CSMD2: variants seen among roughly 807,000 people sequenced by gnomAD.
The protein encoded by CSMD2 is CUB and Sushi multiple domains 2, also known as CUB and sushi domain-containing protein 2.
Under a neutral mutation model 398.5 loss-of-function variants are expected in CSMD2, and 130 were observed. That is an observed-to-expected ratio of 0.33 (90% CI 0.28 to 0.38). CSMD2 has a LOEUF of 0.38. Ranked by LOEUF, CSMD2 falls within the 10% of genes least tolerant of loss-of-function variation. The pLI, the probability that CSMD2 is intolerant of heterozygous loss-of-function variation, is 1.00. For missense variants in CSMD2, 3,829 were observed against 4,764.9 expected, an observed-to-expected ratio of 0.80 and a Z score of 5.78; for synonymous variants, 1,828 against 1,908.5, an observed-to-expected ratio of 0.96 and a Z score of 1.10.
chr1:33,605,217 A>T, intron 42 of CSMD2, 65 bp downstream of exon 42: 5 of 1,445,594 alleles, frequency 3.5e-6, no homozygotes, highest in African/African-American at 1.4e-5. Flanking sequence ...GGAACATGGG[A>T]TTGCTCTGGA....
At chr1:33,843,501 G>A (rs2125070260) in intron 6 of CSMD2, among the ~76,000 whole-genome samples, 1 of 152,288 alleles carries the variant, frequency 6.6e-6, no homozygotes, top group Middle Eastern at 3.4e-3. Flanking sequence ...TAAGACTATA[G>A]TGCCACAAAG....
At chr1:33,593,743 T>G (rs774337978) in intron 44 of CSMD2, among the ~76,000 whole-genome samples, 1 of 152,212 alleles carries the variant, frequency 6.6e-6, no homozygotes, top group Non-Finnish European at 1.5e-5. Context: ...CATTTTTCAT[T>G]ACAATTGAAT....
rs146251630 is a variant in CSMD2 at position 33,569,884 on chromosome 1, T to C, written c.7958-337A>G. Among the ~76,000 whole-genome samples the C allele has an allele frequency of 7.9e-3, 1,197 of 152,344 alleles. 7 individuals are homozygous for C. Among genetic ancestry groups the C allele is most frequent in the Non-Finnish European group, 0.014 (926 of 68,036 alleles). On this transcript the variant is annotated intron_variant, in intron 51 of 70. Coordinates refer to ENST00000373381, the MANE Select transcript of CSMD2 (RefSeq NM_001281956.2). ...AGGAAGAGATGGCGATTCTGTGGTA[T>C]GCTCCTGAGTGCCCTGGGCAGACAC...
chr1:33,714,918 A>G, intron 20 of CSMD2, 143 bp from the exon 21 acceptor site: 4 of 748,712 alleles, frequency 5.3e-6, no homozygotes, highest in Middle Eastern at 3.9e-4. Context: ...ACACTGGCCC[A>G]CAAAAGGTGA....
At position 33,810,859 on chromosome 1, in the gene CSMD2, T is replaced by C; in HGVS notation, c.1330A>G (p.Met444Val). ...GGGCCTCGAAGGTGGGCATCACACATGCGGGCTGCAGAGGAGATGAAAGAC... is the reference window on the plus strand; with the variant it reads ...GGGCCTCGAAGGTGGGCATCACACACGCGGGCTGCAGAGGAGATGAAAGAC... ...SDHRPVCRAR[M>V]CDAHLRGPSG... The change falls in exon 10 of 71, where the codon ATG becomes GTG. Residue 444 changes from methionine (M) to valine (V), a missense_variant. By Grantham distance (21) the Met-to-Val change is conservative. Coordinates refer to ENST00000373381, the MANE Select transcript of CSMD2 (RefSeq NM_001281956.2). The C allele has an allele frequency of 1.2e-6, 2 of 1,611,666 alleles. No individual in the cohort carries two copies. Among genetic ancestry groups the C allele is most frequent in the Non-Finnish European group, 1.7e-6 (2 of 1,179,052 alleles).
rs1346921194 is a variant in CSMD2, at chr1:34,163,013, TG to T, written c.187+1897del. On this transcript the variant is annotated intron_variant, in intron 1 of 70. Coordinates refer to ENST00000373381, the MANE Select transcript of CSMD2 (RefSeq NM_001281956.2). This position sits in a 1 kb window ranked among gnomAD's most constrained non-coding sequence, Gnocchi z 5.4. Reference sequence around the variant, plus strand: ...TACTGAGCAAGGAGCTGCGAGCAAATGGATCTCTATAGGGCAGGATTCCAGC... The same window carrying T: ...TACTGAGCAAGGAGCTGCGAGCAAATGATCTCTATAGGGCAGGATTCCAGC... Among the ~76,000 whole-genome samples, 2 of 152,038 alleles carry T rather than the reference TG, an allele frequency of 1.3e-5. No homozygotes were observed. Among genetic ancestry groups the T allele is most frequent in the Non-Finnish European group, 2.9e-5 (2 of 68,016 alleles).
intron 13 of CSMD2, 120 bp from the exon 14 acceptor site, chr1:33,743,726 A>G: frequency 1.3e-6 from 1 of 750,844 alleles, no homozygotes; most frequent in Non-Finnish European, 2.1e-6. Context: ...GAGTGGCACA[A>G]GGGTTGGGCT....
At chr1:33,997,392 C>T (rs893023051) in intron 3 of CSMD2, among the ~76,000 whole-genome samples, 2 of 152,238 alleles carry the variant, frequency 1.3e-5, no homozygotes, top group Non-Finnish European at 2.9e-5. Flanking sequence ...TATTATTCTC[C>T]TCTTTCTGCA....
intron 3 of CSMD2, among the ~76,000 whole-genome samples, chr1:33,967,257 C>CT (rs563818329): frequency 0.021 from 2,886 of 135,154 alleles, 100 homozygotes; most frequent in African/African-American, 0.075. Flanking sequence ...ACTTCACAGA[C>CT]TTTTTTTTTT....
At chr1:34,133,218 C>G (rs977905082) in intron 1 of CSMD2, among the ~76,000 whole-genome samples, 2 of 152,206 alleles carry the variant, frequency 1.3e-5, no homozygotes, top group Admixed American at 1.3e-4. Flanking sequence ...CAGTTCCTCC[C>G]AAGCCAGTAC....
In CSMD2 at chr1:33,614,029, CA is replaced by C. The variant is rs138511628; in HGVS notation, c.6133+474del. On this transcript the variant is annotated intron_variant, in intron 40 of 70. Transcript: ENST00000373381. ...TAGAATGTGCATACGAAGAAGAATGCAAACTCGATTTCTCATTGATTTGGCT... is the reference window on the plus strand; with the variant it reads ...TAGAATGTGCATACGAAGAAGAATGCAACTCGATTTCTCATTGATTTGGCT... 5.1e-3 allele frequency among the ~76,000 whole-genome samples: 779 copies of C among 152,266 alleles called. 11 individuals are homozygous for C. Among genetic ancestry groups the C allele is most frequent in the African/African-American group, 0.018 (751 of 41,540 alleles).
At position 33,550,178 on chromosome 1, in the gene CSMD2, T is replaced by C; in HGVS notation, c.8916A>G (p.Ser2972=). ...TTTCCTCAATGCCATGCACCATACC[T>C]GAGCAGTGAGGGAGGGAGCCAGTCC... ...GHWTGSLPHC[S]GTSVGVCGDP... is the part of the protein sequence containing the mutation. Residue 2972 remains serine (S), a splice_region_variant and synonymous_variant, in exon 56 of 71, where the codon TCA becomes TCG. Coordinates refer to ENST00000373381, the MANE Select transcript of CSMD2 (RefSeq NM_001281956.2). 1 of 1,613,542 alleles carries C rather than the reference T, an allele frequency of 6.2e-7. No individual in the cohort carries two copies. The highest frequency in any genetic ancestry group is 8.5e-7 in the Non-Finnish European group (1 of 1,179,800).
At chr1:34,006,995 G>A (rs565731107) in intron 3 of CSMD2, among the ~76,000 whole-genome samples, 1 of 152,224 alleles carries the variant, frequency 6.6e-6, no homozygotes, top group East Asian at 1.9e-4. Context: ...CTAGCTCACT[G>A]CCTCTGGAGA....
intron 5 of CSMD2, among the ~76,000 whole-genome samples, chr1:33,862,678 C>T (rs1019561956): frequency 3.9e-5 from 6 of 152,098 alleles, no homozygotes; most frequent in African/African-American, 1.4e-4. Flanking sequence ...GCCCCCAAAT[C>T]CTGCCACACA....
chr1:33,808,167 C>T (rs557976738), intron 10 of CSMD2, among the ~76,000 whole-genome samples: 1 of 152,160 alleles, frequency 6.6e-6, no homozygotes, highest in South Asian at 2.1e-4. Flanking sequence ...TAGGCAAATC[C>T]ACCATCATAA....
At chr1:33,625,296 G>T in intron 33 of CSMD2, 42 bp from the exon 34 acceptor site, 1 of 1,562,808 alleles carries the variant, frequency 6.4e-7, no homozygotes, top group Non-Finnish European at 8.7e-7. Context: ...TCACCCCTCA[G>T]AAACTGGCCC....
Position 33,614,891 on chromosome 1 carries a change from A to G in CSMD2, c.6017-271T>C, listed in dbSNP as rs192019511. ...ACCTTGAACATGCCCTTCACAGGTC[A>G]GTTCCCTGGTGAGGATGTCCAGGAA... On this transcript the variant is annotated intron_variant, in intron 39 of 70. Coordinates refer to ENST00000373381, the MANE Select transcript of CSMD2 (RefSeq NM_001281956.2). Among the ~76,000 whole-genome samples, 5 of 152,350 alleles carry G rather than the reference A, an allele frequency of 3.3e-5. No homozygotes were observed. In the East Asian group the frequency reaches 9.6e-4, roughly 29 times the overall value.
chr1:33,956,661 G>A (rs1243265223), intron 3 of CSMD2, among the ~76,000 whole-genome samples: 1 of 152,018 alleles, frequency 6.6e-6, no homozygotes, highest in East Asian at 1.9e-4. Context: ...AGTCAGCCCT[G>A]CTGAGCATAC....
At chr1:33,526,769 T>C (rs543216179) in intron 65 of CSMD2, among the ~76,000 whole-genome samples, 2 of 152,216 alleles carry the variant, frequency 1.3e-5, no homozygotes, top group East Asian at 1.9e-4. Context: ...GAATTTGGTA[T>C]TGGTCAGGCC....
Sources: allele counts gnomAD v4.1 joint callset (sites outside exome capture counted in the v4.1 genomes callset), GRCh38; gene constraint gnomAD v4.1.1; non-coding constraint Gnocchi (gnomAD v3.1); transcripts MANE v1.5; gene names NCBI Gene and HGNC (gene_info 2026-07-23, HGNC 2026-07-21).